The following MARK1 variants were observed in gnomAD, a reference collection of about 807,000 sequenced individuals.
MARK1 encodes microtubule affinity regulating kinase 1, also known as serine/threonine-protein kinase MARK1.
Under a neutral mutation model 96.3 loss-of-function variants are expected in MARK1, and 40 were observed. The ratio of observed to expected loss-of-function variants is 0.42; its 90% CI spans 0.32 to 0.54. MARK1 has a LOEUF of 0.54. MARK1 is among the 20% of genes least tolerant of loss of function. The probability of loss-of-function intolerance (pLI) is 0.16; values close to 1 mark genes in which losing one functional copy is unlikely to be tolerated. For missense variants in MARK1, 719 were observed against 984.6 expected (o/e 0.73, Z 3.61); for synonymous variants, 317 against 341.2 (o/e 0.93, Z 0.78).
intron 3 of MARK1, among the ~76,000 whole-genome samples, chr1:220,592,290 T>G (rs2102882581): frequency 6.7e-6 from 1 of 149,382 alleles, no homozygotes; most frequent in African/African-American, 2.5e-5. Context: ...GCTAGCAGAC[T>G]TGCTCTAGAG....
intron 1 of MARK1, among the ~76,000 whole-genome samples, chr1:220,529,323 C>A (rs754291990): frequency 6.6e-5 from 10 of 152,206 alleles, no homozygotes; most frequent in African/African-American, 2.2e-4. Flanking sequence ...CTCCTCCCCC[C>A]GCATTGCCCC....
chr1:220,614,270 C>G (rs951721691), intron 6 of MARK1, among the ~76,000 whole-genome samples: 5 of 152,104 alleles, frequency 3.3e-5, no homozygotes, highest in Middle Eastern at 6.8e-3. Flanking sequence ...CTTCAGCTTC[C>G]CAAAGTGCCG....
At chr1:220,541,146 TGGTCTA>T (rs1170498093) in intron 1 of MARK1, among the ~76,000 whole-genome samples, 2 of 152,156 alleles carry the variant, frequency 1.3e-5, no homozygotes, top group Non-Finnish European at 2.9e-5. Context: ...TTGGCCAGGC[TGGTCTA>T]AAACTCCCAA....
intron 1 of MARK1, among the ~76,000 whole-genome samples, chr1:220,554,511 A>G (rs1662112231): frequency 6.6e-6 from 1 of 152,202 alleles, no homozygotes; most frequent in Non-Finnish European, 1.5e-5. Flanking sequence ...GTGGCCCCAA[A>G]TGTCTGTAGT....
At chr1:220,575,272 A>G (rs1213176957) in intron 1 of MARK1, among the ~76,000 whole-genome samples, 2 of 152,214 alleles carry the variant, frequency 1.3e-5, no homozygotes, top group Non-Finnish European at 2.9e-5. Context: ...TAAGTGGAAA[A>G]CTTGAAGAAA....
At chr1:220,583,743 G>T (rs1664403983) in intron 3 of MARK1, among the ~76,000 whole-genome samples, 1 of 151,090 alleles carries the variant, frequency 6.6e-6, no homozygotes, top group South Asian at 2.1e-4. Flanking sequence ...CCACCTCCCA[G>T]GCTCAAGCGA....
At chr1:220,552,302 A>G (rs1572065805) in intron 1 of MARK1, among the ~76,000 whole-genome samples, 2 of 152,208 alleles carry the variant, frequency 1.3e-5, no homozygotes, top group South Asian at 2.1e-4. Context: ...ATGGATCACT[A>G]AGGATAATAG....
In MARK1 at chr1:220,618,285, GTTCT is replaced by G. The variant is rs773220702; in HGVS notation, c.553-20_553-17del. The G allele has an allele frequency of 4.3e-6, 6 of 1,393,410 alleles. No individual in the cohort carries two copies. The highest frequency in any genetic ancestry group is 6.1e-6 in the Non-Finnish European group (6 of 982,694). The allele number at this position is 1,393,410 out of a possible 1,614,324, so 86.3% of individuals were successfully genotyped here. ...TTATTTTATGTAGGCTTTTTACATT[GTTCT>G]TTCTATTATTTTCCTCTTAGGCTGA... On this transcript the variant is annotated intron_variant, in intron 7 of 17. Transcript: ENST00000366917. The surrounding 1 kb of genome is among the most constrained non-coding windows in gnomAD (Gnocchi z 4.6).
chr1:220,648,354 C>G (rs1668696566), intron 13 of MARK1, among the ~76,000 whole-genome samples: 1 of 152,142 alleles, frequency 6.6e-6, no homozygotes, highest in Non-Finnish European at 1.5e-5. Context: ...TTAGTGATAA[C>G]TAGATCTTTT....
At chr1:220,541,906 T>C (rs1661173989) in intron 1 of MARK1, among the ~76,000 whole-genome samples, 1 of 152,230 alleles carries the variant, frequency 6.6e-6, no homozygotes, top group Non-Finnish European at 1.5e-5. Flanking sequence ...AGGGAAGGAC[T>C]TACTATTGCC....
At chr1:220,554,938 T>C (rs1340411049) in intron 1 of MARK1, among the ~76,000 whole-genome samples, 1 of 152,238 alleles carries the variant, frequency 6.6e-6, no homozygotes, top group Non-Finnish European at 1.5e-5. Context: ...ACTATTTTGG[T>C]AAGCCCAAGC....
intron 3 of MARK1, among the ~76,000 whole-genome samples, chr1:220,585,776 A>G (rs1017571833): frequency 2.0e-5 from 3 of 152,156 alleles, no homozygotes; most frequent in African/African-American, 7.2e-5. Context: ...ATCACTCTGA[A>G]TGTCTTGAGA....
intron 3 of MARK1, among the ~76,000 whole-genome samples, chr1:220,587,545 T>G (rs1664725350): frequency 6.6e-6 from 1 of 152,042 alleles, no homozygotes; most frequent in South Asian, 2.1e-4. Context: ...ATTTTTTGTA[T>G]TTTTAGTAGA....
At chr1:220,537,858 T>C (rs1239973655) in intron 1 of MARK1, among the ~76,000 whole-genome samples, 1 of 151,996 alleles carries the variant, frequency 6.6e-6, no homozygotes, top group African/African-American at 2.4e-5. Context: ...CATTTTTTCA[T>C]GTGTCTTTTG....
At chr1:220,612,526 CTA>C (rs1489611279) in intron 6 of MARK1, among the ~76,000 whole-genome samples, 1 of 151,912 alleles carries the variant, frequency 6.6e-6, no homozygotes, top group African/African-American at 2.4e-5. Flanking sequence ...TATTTAGTAT[CTA>C]TATATGTTTT....
chr1:220,600,916 G>T (rs1171229354), intron 5 of MARK1, among the ~76,000 whole-genome samples: 1 of 146,362 alleles, frequency 6.8e-6, no homozygotes, highest in Non-Finnish European at 1.5e-5. Context: ...ATTTTGAGAC[G>T]GAGTCTTGCC....
Position 220,604,058 on chromosome 1 carries a change from C to T in MARK1, c.425-9C>T. On this transcript the variant is annotated splice_polypyrimidine_tract_variant and intron_variant, in intron 5 of 17. Transcript: ENST00000366917. Reference sequence around the variant, plus strand: ...ATATTTTACTACCTGCTTTACCTTTCTGATTCAGGTGAAGTATTTGATTAC... The same window carrying T: ...ATATTTTACTACCTGCTTTACCTTTTTGATTCAGGTGAAGTATTTGATTAC... The T allele has an allele frequency of 6.3e-7, 1 of 1,592,752 alleles. No homozygotes were observed. The highest frequency in any genetic ancestry group is 1.1e-5 in the South Asian group (1 of 88,540).
chr1:220,546,908 G>T (rs1330971023), intron 1 of MARK1, among the ~76,000 whole-genome samples: 2 of 151,190 alleles, frequency 1.3e-5, no homozygotes, highest in African/African-American at 4.9e-5. Flanking sequence ...GGAGGTGGAG[G>T]CTGCAGTGAG....
At chr1:220,606,150 A>G (rs551324126) in intron 6 of MARK1, among the ~76,000 whole-genome samples, 180 of 152,218 alleles carry the variant, frequency 1.2e-3, no homozygotes, top group Admixed American at 4.2e-3. Context: ...AAGCGTTCCT[A>G]TTTCTCCACA....
Sources: gnomAD v4.1 joint callset for allele counts (sites outside exome capture counted in the v4.1 genomes callset) on GRCh38, gnomAD v4.1.1 for gene constraint, Gnocchi (gnomAD v3.1) non-coding constraint, MANE v1.5 for transcripts, NCBI Gene and HGNC (gene_info 2026-07-23, HGNC 2026-07-21) for gene names.